Variants in PRMT8 observed in about 807,000 individuals in gnomAD.
The protein encoded by PRMT8 is protein arginine methyltransferase 8, also known as protein arginine N-methyltransferase 8.
Under a neutral mutation model 47.1 loss-of-function variants are expected in PRMT8, and 7 were observed. The observed-to-expected ratio is 0.15, with a 90% CI of 0.08 to 0.28. The LOEUF is 0.28. Ranked by LOEUF, PRMT8 falls within the 10% of genes least tolerant of loss-of-function variation. PRMT8 has a pLI of 1.00. For synonymous variants in PRMT8, 188 were observed against 186.5 expected (o/e 1.01, Z -0.07); for missense variants, 237 against 505.4 (o/e 0.47, Z 5.09).
In PRMT8 at chr12:3,568,852, A is replaced by G. The variant is rs751120137; in HGVS notation, c.624+4A>G. ...CTTTGCCAGGGACAAGTGGCTGGTA[A>G]GTGTCCTGCATGCTGTCCCCGCGTT... On this transcript the variant is annotated splice_donor_region_variant and intron_variant, in intron 5 of 9. Coordinates refer to ENST00000382622, the MANE Select transcript of PRMT8 (RefSeq NM_019854.5). 1 of 1,614,110 alleles carries G rather than the reference A, an allele frequency of 6.2e-7. No individual in the cohort carries two copies. Among genetic ancestry groups the G allele is most frequent in the Non-Finnish European group, 8.5e-7 (1 of 1,180,016 alleles).
chr12:3,401,385 G>A (rs1250486863), intron 1 of PRMT8, among the ~76,000 whole-genome samples: 2 of 151,972 alleles, frequency 1.3e-5, no homozygotes, highest in Non-Finnish European at 2.9e-5. Context: ...ATAAGCAAAA[G>A]CTGGAAGCAT....
At chr12:3,543,646 T>A (rs1014413619) in intron 2 of PRMT8, among the ~76,000 whole-genome samples, 1 of 152,166 alleles carries the variant, frequency 6.6e-6, no homozygotes. Flanking sequence ...CAGGGGACTA[T>A]TGGGGCTGGA....
At chr12:3,484,801 G>C (rs374982775) in intron 1 of PRMT8, among the ~76,000 whole-genome samples, 2 of 152,208 alleles carry the variant, frequency 1.3e-5, no homozygotes, top group Non-Finnish European at 2.9e-5. Context: ...AAATGGCAAG[G>C]CTTCCTTAGG....
In PRMT8 at chr12:3,552,527, T is replaced by TG. The variant is rs1866440392; in HGVS notation, c.418-1123dup. ...TGGTCGCCTCTTGCAGATCAGATGA[T>TG]GACATGGCCAGAGGGGGAGAAGAAG... On this transcript the variant is annotated intron_variant, in intron 3 of 9. Coordinates refer to ENST00000382622, the MANE Select transcript of PRMT8 (RefSeq NM_019854.5). The surrounding 1 kb of genome is among the most constrained non-coding windows in gnomAD (Gnocchi z 4.5). 6.2e-6 allele frequency: 2 copies of TG among 322,018 alleles called. No homozygotes were observed. The highest frequency in any genetic ancestry group is 1.3e-5 in the Non-Finnish European group (2 of 159,818). 19.9% of individuals were successfully genotyped at this position (322,018 alleles called of 1,614,324 possible). A position where few individuals can be genotyped will look rare whatever the true frequency, so the allele number is the denominator to read the frequency against.
At chr12:3,466,535 G>T (rs1021099021) in intron 1 of PRMT8, among the ~76,000 whole-genome samples, 1 of 152,142 alleles carries the variant, frequency 6.6e-6, no homozygotes, top group African/African-American at 2.4e-5. Context: ...AAAATGGAGG[G>T]ATGGAAACCA....
Position 3,576,643 on chromosome 12 carries a change from C to T in PRMT8, c.713-228C>T, listed in dbSNP as rs928207197. On this transcript the variant is annotated intron_variant, in intron 6 of 9. Coordinates refer to ENST00000382622, the MANE Select transcript of PRMT8 (RefSeq NM_019854.5). This position sits in a 1 kb window ranked among gnomAD's most constrained non-coding sequence, Gnocchi z 4.0. Reference sequence around the variant, plus strand: ...CCAGCCTCTCTGAGCTCTAGTTTACCTAACAACAAAGTGGGACTTACCTTT... The same window carrying T: ...CCAGCCTCTCTGAGCTCTAGTTTACTTAACAACAAAGTGGGACTTACCTTT... 2.0e-5 allele frequency among the ~76,000 whole-genome samples: 3 copies of T among 152,140 alleles called. No homozygotes were observed. The highest frequency in any genetic ancestry group is 7.2e-5 in the African/African-American group (3 of 41,438).
At chr12:3,412,563 A>T (rs1864441697) in intron 1 of PRMT8, among the ~76,000 whole-genome samples, 1 of 152,194 alleles carries the variant, frequency 6.6e-6, no homozygotes. Context: ...ATCTGTACAA[A>T]ATATTTTCCT....
intron 1 of PRMT8, among the ~76,000 whole-genome samples, chr12:3,521,034 T>C (rs1412881873): frequency 6.6e-6 from 1 of 152,194 alleles, no homozygotes; most frequent in African/African-American, 2.4e-5. Flanking sequence ...CAAGTCTCCC[T>C]GGAGGAAGAA....
intron 1 of PRMT8, among the ~76,000 whole-genome samples, chr12:3,520,285 GC>G (rs1865860732): frequency 6.6e-6 from 1 of 152,234 alleles, no homozygotes; most frequent in Non-Finnish European, 1.5e-5. Context: ...GGAGAGTGAA[GC>G]CAGGGATGCC....
chr12:3,426,345 G>A (rs1413708782), intron 1 of PRMT8, among the ~76,000 whole-genome samples: 1 of 152,220 alleles, frequency 6.6e-6, no homozygotes, highest in Non-Finnish European at 1.5e-5. Context: ...TAAAATGAAT[G>A]TATGATTTTA....
intron 1 of PRMT8, among the ~76,000 whole-genome samples, chr12:3,414,250 C>A (rs140393021): frequency 6.6e-6 from 1 of 152,290 alleles, no homozygotes; most frequent in Non-Finnish European, 1.5e-5. Context: ...ATGGGAATAA[C>A]AAACCTGGAT....
chr12:3,491,750 G>A, intron 1 of PRMT8, 50 bp downstream of exon 1: 5 of 1,560,374 alleles, frequency 3.2e-6, no homozygotes, highest in Non-Finnish European at 3.4e-6. Context: ...CGCCCACCCG[G>A]ACCACCGCGC....
intron 4 of PRMT8, among the ~76,000 whole-genome samples, chr12:3,555,105 C>A (rs973059532): frequency 7.9e-5 from 12 of 152,246 alleles, no homozygotes; most frequent in Non-Finnish European, 1.5e-4. Context: ...ATGAGCCAGG[C>A]TCTGGGGACA....
intron 6 of PRMT8, among the ~76,000 whole-genome samples, chr12:3,571,591 C>T (rs1866847071): frequency 6.6e-6 from 1 of 151,800 alleles, no homozygotes; most frequent in Non-Finnish European, 1.5e-5. Context: ...TTCTTTGATT[C>T]TCATTGCAGT....
At chr12:3,434,143 G>A (rs1864711940) in intron 1 of PRMT8, among the ~76,000 whole-genome samples, 1 of 152,156 alleles carries the variant, frequency 6.6e-6, no homozygotes, top group Non-Finnish European at 1.5e-5. Flanking sequence ...TGAGCTTTGT[G>A]AACTCGAGGT....
intron 4 of PRMT8, among the ~76,000 whole-genome samples, chr12:3,563,935 A>G (rs10848882): frequency 0.51 from 77,327 of 151,868 alleles, 20,933 homozygotes; most frequent in African/African-American, 0.7. Flanking sequence ...AATGCCCCCC[A>G]CCTTTTTTCC....
At chr12:3,589,318 A>C (rs963576794) in intron 8 of PRMT8, among the ~76,000 whole-genome samples, 1 of 152,096 alleles carries the variant, frequency 6.6e-6, no homozygotes, top group African/African-American at 2.4e-5. Flanking sequence ...ATCTCATCTC[A>C]TCCTCACAAT....
At chr12:3,454,943 A>G (rs889014455) in intron 1 of PRMT8, among the ~76,000 whole-genome samples, 8 of 152,198 alleles carry the variant, frequency 5.3e-5, no homozygotes, top group African/African-American at 1.7e-4. Context: ...AAAGGACCCC[A>G]TAGGAGCTGA....
At chr12:3,451,703 G>A (rs1864920729) in intron 1 of PRMT8, among the ~76,000 whole-genome samples, 2 of 152,176 alleles carry the variant, frequency 1.3e-5, no homozygotes, top group Admixed American at 6.5e-5. Flanking sequence ...ACCCGCTTAG[G>A]CCGCAGTGCT....
Sources: gnomAD v4.1 joint callset for allele counts (sites outside exome capture counted in the v4.1 genomes callset) on GRCh38, gnomAD v4.1.1 for gene constraint, Gnocchi (gnomAD v3.1) non-coding constraint, MANE v1.5 for transcripts, NCBI Gene and HGNC (gene_info 2026-07-23, HGNC 2026-07-21) for gene names.